Variants in PCSK5 observed in about 807,000 individuals in gnomAD.
The protein encoded by PCSK5 is proprotein convertase subtilisin/kexin type 5.
Under a neutral mutation model 233.2 loss-of-function variants are expected in PCSK5, and 129 were observed. That is an observed-to-expected ratio of 0.55 (90% CI 0.48 to 0.64). The LOEUF (loss-of-function observed/expected upper bound fraction) is 0.64, where lower values mean the gene tolerates loss of function less well. Ranked by LOEUF, PCSK5 falls within the 30% of genes least tolerant of loss-of-function variation. PCSK5 has a pLI of 0.00. For missense variants in PCSK5, 2,076 were observed against 2,430.1 expected, an observed-to-expected ratio of 0.85 and a Z score of 3.06; for synonymous variants, 825 against 879.2, an observed-to-expected ratio of 0.94 and a Z score of 1.09.
chr9:76,064,195 A>C (rs1356579903), intron 5 of PCSK5, among the ~76,000 whole-genome samples: 3 of 87,188 alleles, frequency 3.4e-5, no homozygotes, highest in African/African-American at 1.2e-4. Flanking sequence ...TGACCCCCCC[A>C]CCTCCCTCCC....
chr9:75,956,499 A>G (rs1825100756), intron 2 of PCSK5, among the ~76,000 whole-genome samples: 1 of 152,184 alleles, frequency 6.6e-6, no homozygotes, highest in Non-Finnish European at 1.5e-5. Flanking sequence ...CTCTGGGTAG[A>G]CTTCCAACAT....
At chr9:76,061,101 A>G (rs893540418) in intron 5 of PCSK5, among the ~76,000 whole-genome samples, 1 of 152,188 alleles carries the variant, frequency 6.6e-6, no homozygotes, top group Non-Finnish European at 1.5e-5. Flanking sequence ...TAGAAAGATT[A>G]CTAATTCCAT....
At chr9:76,325,883 C>T (rs374590225) in intron 32 of PCSK5, among the ~76,000 whole-genome samples, 71 of 152,208 alleles carry the variant, frequency 4.7e-4, no homozygotes, top group Non-Finnish European at 7.4e-4. Flanking sequence ...GTGATCTGCC[C>T]GTCTCTGCCT....
intron 2 of PCSK5, among the ~76,000 whole-genome samples, chr9:75,941,739 T>G (rs922105204): frequency 6.6e-6 from 1 of 152,248 alleles, no homozygotes; most frequent in South Asian, 2.1e-4. Flanking sequence ...CCATTTATGG[T>G]GACACGATGA....
chr9:76,029,258 T>C (rs1041486738), intron 5 of PCSK5, among the ~76,000 whole-genome samples: 36 of 152,140 alleles, frequency 2.4e-4, no homozygotes, highest in African/African-American at 5.8e-4. Flanking sequence ...ATAAGGTAAA[T>C]AATGAGTTTT....
chr9:76,338,414 G>C lies in PCSK5; in HGVS notation c.4933G>C (p.Glu1645Gln). The change falls in exon 35 of 38, where the codon GAG becomes CAG. Residue 1645 changes from glutamate to glutamine, a missense_variant. Around this residue, in one of 6 missense-constraint regions of PCSK5, gnomAD observed 1,510 missense variants for 1,538.1 expected, o/e 0.98. Transcript: ENST00000674117. ...YYVEQSTQTCERCHPTCDQCK... is the reference protein window; with the variant it reads ...YYVEQSTQTCQRCHPTCDQCK... Reference sequence around the variant, plus strand: ...TGTAGAGCAAAGCACACAGACCTGTGAGAGATGCCATCCGACTTGTGATCA... The same window carrying C: ...TGTAGAGCAAAGCACACAGACCTGTCAGAGATGCCATCCGACTTGTGATCA... 6.2e-7 allele frequency: 1 copy of C among 1,612,418 alleles called. No homozygotes were observed. The highest frequency in any genetic ancestry group is 8.5e-7 in the Non-Finnish European group (1 of 1,179,544).
At chr9:76,111,006 T>C (rs934360772) in intron 9 of PCSK5, among the ~76,000 whole-genome samples, 1 of 151,956 alleles carries the variant, frequency 6.6e-6, no homozygotes, top group Non-Finnish European at 1.5e-5. Flanking sequence ...ACTTAGGAAG[T>C]TGAGGCAAGA....
chr9:76,326,058 G>C (rs1397966045), intron 32 of PCSK5, among the ~76,000 whole-genome samples: 2 of 152,116 alleles, frequency 1.3e-5, no homozygotes, highest in African/African-American at 4.8e-5. Flanking sequence ...AAGATTTGGG[G>C]AAGTGTAGAG....
chr9:76,160,345 C>A (rs763425281), intron 12 of PCSK5, among the ~76,000 whole-genome samples: 1 of 152,036 alleles, frequency 6.6e-6, no homozygotes, highest in African/African-American at 2.4e-5. Context: ...CAAGTGGGAC[C>A]GGAGAGGGGA....
chr9:76,318,149 A>G (rs1829083978), intron 30 of PCSK5, among the ~76,000 whole-genome samples: 1 of 152,140 alleles, frequency 6.6e-6, no homozygotes, highest in Admixed American at 6.5e-5. Flanking sequence ...ACCTCATCTA[A>G]GTTCATGTCT....
intron 9 of PCSK5, among the ~76,000 whole-genome samples, chr9:76,117,126 C>T (rs1484272796): frequency 6.6e-6 from 1 of 151,880 alleles, no homozygotes; most frequent in African/African-American, 2.4e-5. Context: ...TCTTACAAGT[C>T]ATAGTTGCAA....
At chr9:76,175,805 A>G (rs975984364) in intron 14 of PCSK5, among the ~76,000 whole-genome samples, 3 of 152,242 alleles carry the variant, frequency 2.0e-5, no homozygotes, top group Non-Finnish European at 2.9e-5. Flanking sequence ...TAAAAGTGTT[A>G]TAGCTTTGAT....
chr9:76,081,792 T>C (rs1830849213), intron 7 of PCSK5, among the ~76,000 whole-genome samples: 1 of 152,142 alleles, frequency 6.6e-6, no homozygotes. Flanking sequence ...CCAGTCTCCC[T>C]TCCTAACCCC....
chr9:75,996,448 G>A (rs186099435), intron 3 of PCSK5, among the ~76,000 whole-genome samples: 1 of 152,234 alleles, frequency 6.6e-6, no homozygotes, highest in African/African-American at 2.4e-5. Flanking sequence ...ACCAGGACAT[G>A]GCAGAACTGT....
intron 34 of PCSK5, among the ~76,000 whole-genome samples, chr9:76,333,981 A>T (rs1384003617): frequency 6.6e-6 from 1 of 152,208 alleles, no homozygotes; most frequent in Non-Finnish European, 1.5e-5. Flanking sequence ...GGCAATTTAC[A>T]AACTAAAGAG....
At chr9:76,147,779 CCTG>C (rs1823498934) in intron 10 of PCSK5, among the ~76,000 whole-genome samples, 1 of 152,130 alleles carries the variant, frequency 6.6e-6, no homozygotes, top group Admixed American at 6.5e-5. Context: ...TTGTGTTTTT[CCTG>C]CTGTTTCAAT....
intron 2 of PCSK5, among the ~76,000 whole-genome samples, chr9:75,934,666 C>T (rs1243808598): frequency 6.6e-6 from 1 of 151,966 alleles, no homozygotes; most frequent in African/African-American, 2.4e-5. Context: ...ACTACAACCT[C>T]CAACTCCCGG....
chr9:76,119,253 T>C (rs1392141279), intron 9 of PCSK5, among the ~76,000 whole-genome samples: 3 of 152,144 alleles, frequency 2.0e-5, no homozygotes, highest in Admixed American at 2.0e-4. Flanking sequence ...ACTCAACATA[T>C]TACCTTCTGG....
At chr9:76,062,855 A>G (rs114523652) in intron 5 of PCSK5, among the ~76,000 whole-genome samples, 2,187 of 152,254 alleles carry the variant, frequency 0.014, 57 homozygotes, top group African/African-American at 0.05. Flanking sequence ...GCTATTATTA[A>G]CTATTATCAT....
Sources: allele counts gnomAD v4.1 joint callset (sites outside exome capture counted in the v4.1 genomes callset), GRCh38; gene constraint gnomAD v4.1.1; regional missense constraint gnomAD v4.1.1; transcripts MANE v1.5; gene names NCBI Gene and HGNC (gene_info 2026-07-23, HGNC 2026-07-21).